The following SKAP1 variants were observed in gnomAD, a reference collection of about 807,000 sequenced individuals.
SKAP1 encodes the protein src kinase-associated phosphoprotein 1.
A neutral mutation model predicts 58.5 loss-of-function variants in SKAP1; 44 were observed. The observed-to-expected ratio is 0.75, with a 90% confidence interval of 0.59 to 0.97. The LOEUF is 0.97. Ranked by LOEUF, SKAP1 falls within the 50% of genes least tolerant of loss-of-function variation. SKAP1 has a pLI of 0.00. For missense variants in SKAP1, 390 were observed against 435.2 expected (o/e 0.90, Z 0.92); for synonymous variants, 127 against 149.7 (o/e 0.85, Z 1.11).
chr17:48,391,093 TAACAAC>T (rs374551183), intron 2 of SKAP1, among the ~76,000 whole-genome samples: 78 of 151,728 alleles, frequency 5.1e-4, no homozygotes, highest in African/African-American at 1.6e-3. Flanking sequence ...ACTAACTAAC[TAACAAC>T]AACAACAACA....
intron 11 of SKAP1, 102 bp downstream of exon 11, chr17:48,162,367 A>G (rs2143286886): frequency 1.7e-6 from 1 of 601,376 alleles, no homozygotes; most frequent in East Asian, 3.2e-5. Context: ...ATTGTGAGGG[A>G]GCCATGGGAA....
chr17:48,369,877 T>C (rs1284030709), intron 2 of SKAP1, among the ~76,000 whole-genome samples: 1 of 152,132 alleles, frequency 6.6e-6, no homozygotes, highest in Non-Finnish European at 1.5e-5. Context: ...AAATATAATC[T>C]AACAATTAAA....
intron 10 of SKAP1, among the ~76,000 whole-genome samples, chr17:48,163,870 A>G (rs2064103158): frequency 6.6e-6 from 1 of 152,226 alleles, no homozygotes; most frequent in Non-Finnish European, 1.5e-5. Context: ...GGAATCTTAA[A>G]GGGTACAAAA....
intron 4 of SKAP1, among the ~76,000 whole-genome samples, chr17:48,246,753 A>G (rs965646514): frequency 3.3e-5 from 5 of 152,162 alleles, no homozygotes; most frequent in African/African-American, 4.8e-5. Context: ...TCTAATCTAA[A>G]CTGACTGATC....
chr17:48,352,287 C>T (rs1339810471), intron 3 of SKAP1, among the ~76,000 whole-genome samples: 3 of 152,188 alleles, frequency 2.0e-5, no homozygotes, highest in Non-Finnish European at 4.4e-5. Context: ...TGTCAGCAGT[C>T]ATTCCAGCTT....
chr17:48,337,143 C>T (rs1473767557), intron 4 of SKAP1, among the ~76,000 whole-genome samples: 1 of 152,094 alleles, frequency 6.6e-6, no homozygotes, highest in Non-Finnish European at 1.5e-5. Context: ...ATCTTTCTTT[C>T]CTGCTAGACC....
At chr17:48,286,681 A>T (rs574902443) in intron 4 of SKAP1, among the ~76,000 whole-genome samples, 3 of 152,362 alleles carry the variant, frequency 2.0e-5, no homozygotes, top group African/African-American at 7.2e-5. Flanking sequence ...ACAACATCCC[A>T]TAACAAACAC....
chr17:48,298,661 A>G (rs892330384), intron 4 of SKAP1, among the ~76,000 whole-genome samples: 1 of 152,186 alleles, frequency 6.6e-6, no homozygotes, highest in African/African-American at 2.4e-5. Flanking sequence ...CCCTGTATTC[A>G]TTTATTTCAT....
intron 4 of SKAP1, among the ~76,000 whole-genome samples, chr17:48,336,967 A>G (rs1172779611): frequency 6.6e-6 from 1 of 152,210 alleles, no homozygotes; most frequent in Non-Finnish European, 1.5e-5. Flanking sequence ...ACAACAATGT[A>G]TATCTTTCAG....
At chr17:48,254,551 G>C (rs1185533228) in intron 4 of SKAP1, among the ~76,000 whole-genome samples, 1 of 151,626 alleles carries the variant, frequency 6.6e-6, no homozygotes, top group Non-Finnish European at 1.5e-5. Flanking sequence ...AATTACTTAA[G>C]TCCACACTAC....
At chr17:48,287,806 T>C (rs1490969661) in intron 4 of SKAP1, among the ~76,000 whole-genome samples, 1 of 152,192 alleles carries the variant, frequency 6.6e-6, no homozygotes, top group Non-Finnish European at 1.5e-5. Flanking sequence ...TCAACACATA[T>C]ATACAAACGC....
intron 4 of SKAP1, among the ~76,000 whole-genome samples, chr17:48,270,701 G>A (rs2065619181): frequency 6.6e-6 from 1 of 151,962 alleles, no homozygotes; most frequent in Non-Finnish European, 1.5e-5. Flanking sequence ...CTTTAATGCT[G>A]TTTTGTAGCA....
At chr17:48,321,569 G>C (rs964810233) in intron 4 of SKAP1, among the ~76,000 whole-genome samples, 1 of 151,954 alleles carries the variant, frequency 6.6e-6, no homozygotes, top group Non-Finnish European at 1.5e-5. Context: ...TAGTAGAGAT[G>C]GGGTTTCACC....
chr17:48,151,306 G>T (rs141282686), intron 11 of SKAP1, among the ~76,000 whole-genome samples: 1 of 152,128 alleles, frequency 6.6e-6, no homozygotes, highest in Non-Finnish European at 1.5e-5. Context: ...TAGCTATAGC[G>T]TAAATGAATT....
At chr17:48,268,307 T>C (rs2065582217) in intron 4 of SKAP1, among the ~76,000 whole-genome samples, 1 of 151,676 alleles carries the variant, frequency 6.6e-6, no homozygotes, top group Non-Finnish European at 1.5e-5. Context: ...CATATTGTGC[T>C]TACTAGTCAA....
intron 3 of SKAP1, among the ~76,000 whole-genome samples, chr17:48,350,205 G>T (rs573234841): frequency 1.3e-5 from 2 of 150,874 alleles, no homozygotes; most frequent in South Asian, 2.1e-4. Context: ...GACAGAAAAT[G>T]GTTTAAGCAT....
At chr17:48,438,579 T>G in the SKAP1 span, among the ~76,000 whole-genome samples, 2 of 152,164 alleles carry the variant, frequency 1.3e-5, no homozygotes, top group African/African-American at 4.8e-5. Context: ...GGTTATCAGA[T>G]TCTCCCCACC....
At chr17:48,227,109 T>C (rs2065078031) in intron 4 of SKAP1, among the ~76,000 whole-genome samples, 4 of 152,188 alleles carry the variant, frequency 2.6e-5, no homozygotes. Context: ...TTCTGGACTT[T>C]TCACTACTCT....
At chr17:48,197,481 G>C (rs2064653251) in intron 4 of SKAP1, among the ~76,000 whole-genome samples, 1 of 152,082 alleles carries the variant, frequency 6.6e-6, no homozygotes, top group South Asian at 2.1e-4. Flanking sequence ...TTGAGGCCAG[G>C]AGTTTGAGAC....
Sources: allele counts gnomAD v4.1 joint callset (sites outside exome capture counted in the v4.1 genomes callset), GRCh38; gene constraint gnomAD v4.1.1; transcripts MANE v1.5; gene names NCBI Gene and HGNC (gene_info 2026-07-23, HGNC 2026-07-21).